COX7B2: variants seen among roughly 807,000 people sequenced by gnomAD.
COX7B2 encodes the protein cytochrome c oxidase subunit 7B2, mitochondrial.
For synonymous variants in COX7B2, 37 were observed against 32.1 expected, an observed-to-expected ratio of 1.15 and a Z score of -0.51; for missense variants, 109 against 95.9, an observed-to-expected ratio of 1.14 and a Z score of -0.57.
intron 1 of COX7B2, among the ~76,000 whole-genome samples, chr4:46,898,979 A>G (rs1355625734): frequency 6.6e-6 from 1 of 152,160 alleles, no homozygotes; most frequent in Non-Finnish European, 1.5e-5. Flanking sequence ...ATCACCTCTT[A>G]TTTGTTCATT....
chr4:46,881,775 T>C (rs1315950309), intron 1 of COX7B2, among the ~76,000 whole-genome samples: 1 of 152,128 alleles, frequency 6.6e-6, no homozygotes, highest in Non-Finnish European at 1.5e-5. Flanking sequence ...GTTTCCAGCT[T>C]GAGTTTTCTT....
chr4:46,861,833 C>T (rs1717351663), intron 1 of COX7B2, among the ~76,000 whole-genome samples: 1 of 152,152 alleles, frequency 6.6e-6, no homozygotes, highest in African/African-American at 2.4e-5. Context: ...AGGCCATTCC[C>T]CTTCCCACAG....
At chr4:46,761,287 G>GC (rs1350583444) in intron 2 of COX7B2, among the ~76,000 whole-genome samples, 6 of 152,216 alleles carry the variant, frequency 3.9e-5, no homozygotes, top group African/African-American at 1.4e-4. Context: ...GTAGCAGGGG[G>GC]CCACCTAAAT....
chr4:46,804,146 G>A (rs982045210), intron 2 of COX7B2, among the ~76,000 whole-genome samples: 3 of 152,092 alleles, frequency 2.0e-5, no homozygotes, highest in Non-Finnish European at 4.4e-5. Flanking sequence ...GTCTGGAGTT[G>A]TTGTTCCTCG....
At chr4:46,761,286 G>A (rs1213670363) in intron 2 of COX7B2, among the ~76,000 whole-genome samples, 1 of 152,054 alleles carries the variant, frequency 6.6e-6, no homozygotes, top group Non-Finnish European at 1.5e-5. Context: ...AGTAGCAGGG[G>A]GCCACCTAAA....
intron 2 of COX7B2, among the ~76,000 whole-genome samples, chr4:46,775,846 C>T (rs999390109): frequency 3.3e-5 from 5 of 152,006 alleles, no homozygotes; most frequent in African/African-American, 9.7e-5. Context: ...GTAGTGAGAT[C>T]GCTGTTATCT....
At chr4:46,816,573 C>T (rs534819009) in intron 2 of COX7B2, among the ~76,000 whole-genome samples, 1 of 151,930 alleles carries the variant, frequency 6.6e-6, no homozygotes, top group East Asian at 1.9e-4. Flanking sequence ...ACTTGTTATC[C>T]CCTGCAGTTA....
At position 46,796,200 on chromosome 4, in the gene COX7B2, C is replaced by T. The variant is rs1476015751; in HGVS notation, c.-50+48760G>A. Among the ~76,000 whole-genome samples the T allele has an allele frequency of 2.6e-4, 37 of 144,598 alleles. 1 individual carries two copies. Among genetic ancestry groups the T allele is most frequent in the African/African-American group, 9.9e-4 (36 of 36,226 alleles). The allele number at this position is 144,598 out of a possible 152,430, so 94.9% of individuals were successfully genotyped here. The stretch of plus-strand genomic sequence containing the variant: ...AATTGAATACCCTTTATTTCCTTCT[C>T]CTGCCTGATTGCCCTGGCCAGAACT... On this transcript the variant is annotated intron_variant, in intron 2 of 2. Transcript: ENST00000355591.
chr4:46,900,703 G>T (rs1247493798), intron 1 of COX7B2, among the ~76,000 whole-genome samples: 2 of 152,104 alleles, frequency 1.3e-5, no homozygotes. Context: ...AATCAAATTA[G>T]TGCTCTTATA....
At chr4:46,908,959 G>T (rs1479884913) in intron 1 of COX7B2, among the ~76,000 whole-genome samples, 1 of 151,974 alleles carries the variant, frequency 6.6e-6, no homozygotes, top group Non-Finnish European at 1.5e-5. Context: ...CAGGAGAATG[G>T]CGTGAACCCG....
chr4:46,756,622 C>T (rs1436021042), intron 2 of COX7B2, among the ~76,000 whole-genome samples: 1 of 151,768 alleles, frequency 6.6e-6, no homozygotes, highest in African/African-American at 2.4e-5. Context: ...AAAGAAATAG[C>T]CCTATTACAA....
chr4:46,894,160 C>A (rs1048856796), intron 1 of COX7B2, among the ~76,000 whole-genome samples: 40 of 152,262 alleles, frequency 2.6e-4, no homozygotes, highest in East Asian at 1.9e-4. Flanking sequence ...CTAGAAAAAA[C>A]CATTTAAAAA....
chr4:46,892,993 G>A (rs1719530839), intron 1 of COX7B2, among the ~76,000 whole-genome samples: 1 of 152,240 alleles, frequency 6.6e-6, no homozygotes, highest in Non-Finnish European at 1.5e-5. Flanking sequence ...CTGTGAAGAG[G>A]TGCCTTCTGC....
intron 2 of COX7B2, among the ~76,000 whole-genome samples, chr4:46,767,428 C>G (rs1035398139): frequency 2.0e-5 from 3 of 152,148 alleles, no homozygotes; most frequent in Non-Finnish European, 4.4e-5. Context: ...TAGTACCCCA[C>G]TTTCAACAAT....
chr4:46,808,751 G>C (rs1719136781), intron 2 of COX7B2, among the ~76,000 whole-genome samples: 1 of 151,910 alleles, frequency 6.6e-6, no homozygotes, highest in Admixed American at 6.5e-5. Context: ...AAGAAAGGAC[G>C]TTGGAGTACA....
chr4:46,843,651 T>C (rs958924721), intron 2 of COX7B2, among the ~76,000 whole-genome samples: 4 of 152,032 alleles, frequency 2.6e-5, no homozygotes, highest in Non-Finnish European at 5.9e-5. Context: ...GCAAAAGCAG[T>C]CTACTGCAAA....
intron 2 of COX7B2, among the ~76,000 whole-genome samples, chr4:46,802,354 A>G (rs977383589): frequency 3.9e-5 from 6 of 152,166 alleles, no homozygotes; most frequent in Admixed American, 6.5e-5. Context: ...CATGTTAAAC[A>G]TCCTGGAAGG....
chr4:46,832,260 G>C (rs1185076931), intron 2 of COX7B2, among the ~76,000 whole-genome samples: 1 of 152,104 alleles, frequency 6.6e-6, no homozygotes, highest in Non-Finnish European at 1.5e-5. Context: ...GAGCCAGTGA[G>C]ACCACGAACC....
intron 2 of COX7B2, among the ~76,000 whole-genome samples, chr4:46,773,624 G>C (rs1403247415): frequency 6.6e-6 from 1 of 152,048 alleles, no homozygotes; most frequent in East Asian, 1.9e-4. Flanking sequence ...GGAAAAATAA[G>C]CTATATTAAA....
Sources: allele counts gnomAD v4.1 joint callset (sites outside exome capture counted in the v4.1 genomes callset), GRCh38; gene constraint gnomAD v4.1.1; transcripts MANE v1.5; gene names NCBI Gene and HGNC (gene_info 2026-07-23, HGNC 2026-07-21).